Variants in HS3ST4 observed in about 807,000 individuals in gnomAD.
HS3ST4 encodes the protein heparan sulfate-glucosamine 3-sulfotransferase 4, also known as heparan sulfate glucosamine 3-O-sulfotransferase 4.
In HS3ST4, 17 loss-of-function variants were observed where a neutral mutation model predicts 29.2. The ratio of observed to expected loss-of-function variants is 0.58; its 90% CI spans 0.40 to 0.87. HS3ST4 has a LOEUF of 0.87. Among genes scored for constraint, HS3ST4 ranks in the 40% least tolerant of loss-of-function variants. The pLI, the probability that HS3ST4 is intolerant of heterozygous loss-of-function variation, is 0.00. For synonymous variants in HS3ST4, 314 were observed against 285.7 expected, an observed-to-expected ratio of 1.10 and a Z score of -1.00; for missense variants, 627 against 634.5, an observed-to-expected ratio of 0.99 and a Z score of 0.13.
intron 1 of HS3ST4, among the ~76,000 whole-genome samples, chr16:26,019,078 T>TA (rs1375629266): frequency 6.6e-6 from 1 of 152,094 alleles, no homozygotes; most frequent in African/African-American, 2.4e-5. Context: ...TAACAAACGA[T>TA]AAAAAACATC....
At chr16:26,134,362 C>CTTTTT (rs60068546) in intron 1 of HS3ST4, among the ~76,000 whole-genome samples, 272 of 76,692 alleles carry the variant, frequency 3.5e-3, no homozygotes, top group African/African-American at 8.8e-3. Context: ...CTTTTCTTTT[C>CTTTTT]TTTTTTTTTT....
chr16:25,965,938 C>T (rs146475906), intron 1 of HS3ST4, among the ~76,000 whole-genome samples: 4 of 152,316 alleles, frequency 2.6e-5, no homozygotes, highest in South Asian at 4.1e-4. Context: ...CTGGGCCTCC[C>T]AAAGTGCTGG....
intron 1 of HS3ST4, among the ~76,000 whole-genome samples, chr16:25,869,102 C>T (rs1218622214): frequency 6.6e-6 from 1 of 151,874 alleles, no homozygotes; most frequent in African/African-American, 2.4e-5. Context: ...CCTGGGGTAC[C>T]AGGAAGGAGC....
intron 1 of HS3ST4, among the ~76,000 whole-genome samples, chr16:25,905,202 A>G (rs2141675489): frequency 6.6e-6 from 1 of 152,268 alleles, no homozygotes; most frequent in East Asian, 1.9e-4. Flanking sequence ...CAAATTATGT[A>G]GGGAAGGCCA....
chr16:26,125,798 G>A (rs1022979229), intron 1 of HS3ST4, among the ~76,000 whole-genome samples: 2 of 152,140 alleles, frequency 1.3e-5, no homozygotes, highest in African/African-American at 2.4e-5. Flanking sequence ...GCACTCACAG[G>A]CATCCTCAGT....
chr16:25,877,381 A>C (rs1179889805), intron 1 of HS3ST4, among the ~76,000 whole-genome samples: 1 of 152,180 alleles, frequency 6.6e-6, no homozygotes, highest in Non-Finnish European at 1.5e-5. Context: ...AGGGACAGAC[A>C]CATAGCAAAG....
chr16:26,001,425 T>G (rs1596640588), intron 1 of HS3ST4, among the ~76,000 whole-genome samples: 3 of 151,880 alleles, frequency 2.0e-5, no homozygotes, highest in Admixed American at 6.6e-5. Context: ...ATATACAGGG[T>G]TTTTTTTGTA....
chr16:25,775,641 A>G (rs546617804), intron 1 of HS3ST4, among the ~76,000 whole-genome samples: 1 of 152,104 alleles, frequency 6.6e-6, no homozygotes, highest in Non-Finnish European at 1.5e-5. Context: ...ATTCCTCACA[A>G]CTTTTGTCTG....
intron 1 of HS3ST4, among the ~76,000 whole-genome samples, chr16:26,074,331 A>G (rs28687445): frequency 0.079 from 12,039 of 152,186 alleles, 683 homozygotes; most frequent in Admixed American, 0.18. Context: ...AAAGCTTAAT[A>G]TGTTTCCAGC....
intron 1 of HS3ST4, among the ~76,000 whole-genome samples, chr16:25,848,239 A>G (rs1967484976): frequency 6.6e-6 from 1 of 152,094 alleles, no homozygotes; most frequent in Non-Finnish European, 1.5e-5. Flanking sequence ...CCCGAGTTCA[A>G]GCAATTCTCC....
In HS3ST4 at chr16:26,136,310, A is replaced by G; in HGVS notation, c.*62A>G. The G allele has an allele frequency of 2.1e-6, 3 of 1,452,576 alleles. No homozygotes were observed. Among genetic ancestry groups the G allele is most frequent in the Non-Finnish European group, 2.8e-6 (3 of 1,083,674 alleles). 90.0% of individuals were successfully genotyped at this position (1,452,576 alleles called of 1,614,324 possible). ...AGGAGGCTCCTTGCCTGAGTCCTTG[A>G]ATACCCCAGCTTCTGCAGCTTCACT... On this transcript the variant is annotated 3_prime_UTR_variant, in exon 2 of 2. Coordinates refer to ENST00000331351, the MANE Select transcript of HS3ST4 (RefSeq NM_006040.3).
intron 1 of HS3ST4, among the ~76,000 whole-genome samples, chr16:26,083,985 C>T (rs557429194): frequency 6.6e-6 from 1 of 152,204 alleles, no homozygotes; most frequent in East Asian, 1.9e-4. Flanking sequence ...ATACTAGGGT[C>T]CTGAGACAGG....
chr16:25,870,889 C>T (rs1008024043), intron 1 of HS3ST4, among the ~76,000 whole-genome samples: 7 of 152,084 alleles, frequency 4.6e-5, no homozygotes, highest in Admixed American at 2.6e-4. Flanking sequence ...ACAGGATGTA[C>T]GGCACATGAG....
At chr16:25,729,169 G>A (rs969208738) in intron 1 of HS3ST4, among the ~76,000 whole-genome samples, 1 of 152,128 alleles carries the variant, frequency 6.6e-6, no homozygotes, top group African/African-American at 2.4e-5. Context: ...CCCCACTCAG[G>A]AGCCGGGCTA....
At chr16:25,697,549 A>C (rs1966306492) in intron 1 of HS3ST4, among the ~76,000 whole-genome samples, 1 of 152,344 alleles carries the variant, frequency 6.6e-6, no homozygotes, top group South Asian at 2.1e-4. Flanking sequence ...TAGAAAATTT[A>C]AAAGTACACT....
rs193281422 is a variant in HS3ST4, at chr16:25,724,450, A to G, written c.734+31299A>G. Among the ~76,000 whole-genome samples the G allele has an allele frequency of 1.6e-4, 24 of 149,312 alleles. No homozygotes were observed. The East Asian group carries it at 4.6e-3, about 28-fold the overall frequency. On this transcript the variant is annotated intron_variant, in intron 1 of 1. Transcript: ENST00000331351. ...ACCATCTTGGTTCACTGCAACCTCC[A>G]TCTCCCAGGTTCAAGCGATTCTCCT...
At chr16:26,120,191 A>G (rs949718368) in intron 1 of HS3ST4, among the ~76,000 whole-genome samples, 7 of 152,110 alleles carry the variant, frequency 4.6e-5, no homozygotes, top group African/African-American at 1.7e-4. Context: ...TGAATACCTC[A>G]CAAGGTGTAT....
chr16:26,082,504 C>T (rs969077144), intron 1 of HS3ST4, among the ~76,000 whole-genome samples: 2 of 152,176 alleles, frequency 1.3e-5, no homozygotes, highest in Non-Finnish European at 2.9e-5. Flanking sequence ...GGGCACATTA[C>T]CTAACATTTC....
chr16:25,859,940 C>G (rs565933229), intron 1 of HS3ST4, among the ~76,000 whole-genome samples: 1 of 152,280 alleles, frequency 6.6e-6, no homozygotes, highest in East Asian at 1.9e-4. Context: ...AGATTTACCA[C>G]CTGAGCTTCA....
Sources: gnomAD v4.1 joint callset for allele counts (sites outside exome capture counted in the v4.1 genomes callset) on GRCh38, gnomAD v4.1.1 for gene constraint, MANE v1.5 for transcripts, NCBI Gene and HGNC (gene_info 2026-07-23, HGNC 2026-07-21) for gene names.